The following DAP variants were observed in gnomAD, a reference collection of about 807,000 sequenced individuals.
The protein encoded by DAP is death-associated protein 1.
Under a neutral mutation model 13.8 loss-of-function variants are expected in DAP, and 8 were observed. That is an observed-to-expected ratio of 0.58 (90% confidence interval 0.34 to 1.05). The LOEUF is 1.05. Ranked by LOEUF, DAP falls within the 50% of genes least tolerant of loss-of-function variation. DAP has a pLI of 0.03. For missense variants in DAP, 106 were observed against 133.2 expected (o/e 0.80, Z 1.01); for synonymous variants, 47 against 47.5 (o/e 0.99, Z 0.04).
intron 2 of DAP, among the ~76,000 whole-genome samples, chr5:10,696,096 G>A (rs979521110): frequency 5.3e-5 from 8 of 152,142 alleles, no homozygotes; most frequent in East Asian, 3.9e-4. Flanking sequence ...AGTTTCTGGC[G>A]TGTGGATCTT....
At chr5:10,729,992 C>T (rs533346719) in intron 2 of DAP, among the ~76,000 whole-genome samples, 1 of 152,344 alleles carries the variant, frequency 6.6e-6, no homozygotes, top group South Asian at 2.1e-4. Flanking sequence ...GCCTTGGCTA[C>T]CATTAATGGT....
chr5:10,754,098 G>A (rs1740116271), intron 1 of DAP, among the ~76,000 whole-genome samples: 1 of 152,230 alleles, frequency 6.6e-6, no homozygotes, highest in Non-Finnish European at 1.5e-5. Context: ...ACTCCACCAG[G>A]AGAGAGGAGA....
At chr5:10,708,463 ACG>A (rs56410613) in intron 2 of DAP, among the ~76,000 whole-genome samples, 11,593 of 143,936 alleles carry the variant, frequency 0.081, 612 homozygotes, top group East Asian at 0.26. Context: ...ACACACACAC[ACG>A]CACATATCTC....
chr5:10,752,228 A>G (rs1386505646), intron 1 of DAP, among the ~76,000 whole-genome samples: 3 of 152,248 alleles, frequency 2.0e-5, no homozygotes, highest in African/African-American at 7.2e-5. Context: ...GTTTCTAAAA[A>G]CAATTAACTT....
chr5:10,753,283 G>A (rs184603126), intron 1 of DAP, among the ~76,000 whole-genome samples: 38 of 152,344 alleles, frequency 2.5e-4, no homozygotes, highest in African/African-American at 7.2e-4. Context: ...GCTGGCAAGC[G>A]GCAAACTGGG....
chr5:10,722,788 C>T (rs1003954855), intron 2 of DAP, among the ~76,000 whole-genome samples: 5 of 152,020 alleles, frequency 3.3e-5, no homozygotes, highest in Middle Eastern at 3.2e-3. Context: ...CCAATAGCAA[C>T]GCCCTTCTCA....
At chr5:10,757,513 C>G (rs1740219277) in intron 1 of DAP, among the ~76,000 whole-genome samples, 1 of 152,138 alleles carries the variant, frequency 6.6e-6, no homozygotes, top group African/African-American at 2.4e-5. Context: ...AGCTCAGGTG[C>G]TCTCCCCACC....
chr5:10,688,372 T>C (rs1378553273), intron 2 of DAP, among the ~76,000 whole-genome samples: 3 of 152,186 alleles, frequency 2.0e-5, no homozygotes, highest in Admixed American at 2.0e-4. Context: ...ACAGAATTTT[T>C]AAATTTTTAA....
intron 2 of DAP, among the ~76,000 whole-genome samples, chr5:10,691,160 C>T (rs1290109525): frequency 1.3e-5 from 2 of 152,172 alleles, no homozygotes; most frequent in Non-Finnish European, 2.9e-5. Flanking sequence ...CTGAAAAGGC[C>T]ATAATTGGCT....
At chr5:10,723,582 G>C (rs894864077) in intron 2 of DAP, among the ~76,000 whole-genome samples, 3 of 152,250 alleles carry the variant, frequency 2.0e-5, no homozygotes, top group Non-Finnish European at 4.4e-5. Context: ...CAATCATTAA[G>C]AAGACCCAGG....
chr5:10,743,682 A>G (rs906208194), intron 2 of DAP, among the ~76,000 whole-genome samples: 1 of 152,192 alleles, frequency 6.6e-6, no homozygotes, highest in Non-Finnish European at 1.5e-5. Context: ...CCTTTACATA[A>G]TGAAACTGGC....
At chr5:10,716,110 T>C (rs1038015263) in intron 2 of DAP, among the ~76,000 whole-genome samples, 3 of 152,138 alleles carry the variant, frequency 2.0e-5, no homozygotes, top group African/African-American at 4.8e-5. Flanking sequence ...TGTCCTAGGG[T>C]TGCCTGCCAA....
In DAP at chr5:10,729,088, T is replaced by C. The variant is rs3797134; in HGVS notation, c.152+19087A>G. Among the ~76,000 whole-genome samples, 69 of 152,326 alleles carry C rather than the reference T, an allele frequency of 4.5e-4. No homozygotes were observed. The East Asian group carries it at 0.011, about 25-fold the overall frequency. On this transcript the variant is annotated intron_variant, in intron 2 of 3. Coordinates refer to ENST00000230895, the MANE Select transcript of DAP (RefSeq NM_004394.3). ...TTTTTTTCTCAACCCACGGAACTTATTTAATATTGCAGGGTATCAACAACC... is the reference window on the plus strand; with the variant it reads ...TTTTTTTCTCAACCCACGGAACTTACTTAATATTGCAGGGTATCAACAACC...
chr5:10,692,748 G>A (rs1738336438), intron 2 of DAP, among the ~76,000 whole-genome samples: 1 of 152,000 alleles, frequency 6.6e-6, no homozygotes, highest in African/African-American at 2.4e-5. Context: ...CTTTCCCCTG[G>A]GCTACAGAGA....
chr5:10,717,932 T>C (rs1218693142), intron 2 of DAP, among the ~76,000 whole-genome samples: 1 of 152,124 alleles, frequency 6.6e-6, no homozygotes, highest in East Asian at 1.9e-4. Context: ...TAATTTGAAT[T>C]AGAAAAACAG....
At chr5:10,759,124 T>C (rs1043164328) in intron 1 of DAP, among the ~76,000 whole-genome samples, 2 of 151,904 alleles carry the variant, frequency 1.3e-5, no homozygotes, top group African/African-American at 4.8e-5. Context: ...AAGGCGGAGG[T>C]TGCAGTGAGC....
At chr5:10,760,620 A>C (rs562036215) in intron 1 of DAP, among the ~76,000 whole-genome samples, 1 of 152,380 alleles carries the variant, frequency 6.6e-6, no homozygotes, top group South Asian at 2.1e-4. Flanking sequence ...CATGATATTA[A>C]CACCACTGAC....
chr5:10,680,116 T>C lies in DAP; in HGVS notation c.*940A>G, dbSNP rs1737943668. ...CGTTTGGAACAGTTAGACTCATCAG[T>C]GGATAGGTTTTTCTAGCACAAATGG... On this transcript the variant is annotated 3_prime_UTR_variant, in exon 4 of 4. Transcript: ENST00000230895. 6.5e-6 allele frequency: 1 copy of C among 153,024 alleles called. No homozygotes were observed. Among genetic ancestry groups the C allele is most frequent in the Non-Finnish European group, 1.5e-5 (1 of 68,578 alleles). 9.5% of individuals were successfully genotyped at this position (153,024 alleles called of 1,614,324 possible).
chr5:10,754,658 G>A (rs564410197), intron 1 of DAP, among the ~76,000 whole-genome samples: 1 of 152,314 alleles, frequency 6.6e-6, no homozygotes, highest in Non-Finnish European at 1.5e-5. Flanking sequence ...TTTCAAGCTG[G>A]GAGGTACATG....
Sources: allele counts gnomAD v4.1 joint callset (sites outside exome capture counted in the v4.1 genomes callset), GRCh38; gene constraint gnomAD v4.1.1; transcripts MANE v1.5; gene names NCBI Gene and HGNC (gene_info 2026-07-23, HGNC 2026-07-21).